Variants in AGBL1 observed in about 807,000 individuals in gnomAD.
AGBL1 encodes the protein AGBL carboxypeptidase 1, also known as cytosolic carboxypeptidase 4.
AGBL1 carries 130 observed loss-of-function variants against 118.9 expected under a neutral mutation model. The ratio of observed to expected loss-of-function variants is 1.09; its 90% CI spans 0.95 to 1.26. The LOEUF (loss-of-function observed/expected upper bound fraction) is 1.26. Among genes scored for constraint, AGBL1 ranks in the 50% most tolerant of loss-of-function variants. AGBL1 has a pLI of 0.00. For synonymous variants in AGBL1, 555 were observed against 478.9 expected, an observed-to-expected ratio of 1.16 and a Z score of -2.08; for missense variants, 1,584 against 1,298.1, an observed-to-expected ratio of 1.22 and a Z score of -3.38.
intron 23 of AGBL1, among the ~76,000 whole-genome samples, chr15:86,965,050 T>C (rs535702560): frequency 6.6e-6 from 1 of 152,086 alleles, no homozygotes; most frequent in African/African-American, 2.4e-5. Flanking sequence ...ATTTGGGTTG[T>C]TTCCAAGTCT....
chr15:86,400,923 A>T (rs1368104832), intron 18 of AGBL1, among the ~76,000 whole-genome samples: 1 of 152,136 alleles, frequency 6.6e-6, no homozygotes, highest in Non-Finnish European at 1.5e-5. Flanking sequence ...GCTGCTGTAA[A>T]CATGTGTGTT....
chr15:86,114,295 GTGAGTCTGC>G lies in AGBL1; in HGVS notation c.52-27708_52-27700del, dbSNP rs556131498. On this transcript the variant is annotated intron_variant, in intron 1 of 22. Transcript: ENST00000614907. ...CTTCAGCCTTGGACCCTTGGGGGAG[GTGAGTCTGC>G]ACTCTGCCTTGGCAAGGAGTCCAGA... 1.5e-3 allele frequency among the ~76,000 whole-genome samples: 225 copies of G among 152,344 alleles called. 2 individuals are homozygous for G. Among genetic ancestry groups the G allele is most frequent in the African/African-American group, 5.3e-3 (219 of 41,586 alleles).
intron 21 of AGBL1, among the ~76,000 whole-genome samples, chr15:86,577,694 G>A (rs936010333): frequency 1.3e-5 from 2 of 152,160 alleles, no homozygotes; most frequent in Admixed American, 6.5e-5. Flanking sequence ...AGCTATGGAC[G>A]TGGTGCCCTG....
intron 22 of AGBL1, among the ~76,000 whole-genome samples, chr15:86,858,572 AC>A (rs1243318309): frequency 1.3e-5 from 2 of 152,044 alleles, no homozygotes; most frequent in African/African-American, 2.4e-5. Flanking sequence ...TTCACGGACA[AC>A]CTATTATGTC....
intron 18 of AGBL1, among the ~76,000 whole-genome samples, chr15:86,441,710 T>C (rs963859422): frequency 2.0e-5 from 3 of 152,208 alleles, no homozygotes; most frequent in African/African-American, 4.8e-5. Flanking sequence ...AATCTAACCA[T>C]AGCTGTTGTC....
At chr15:86,862,281 C>A (rs2079569833) in intron 22 of AGBL1, among the ~76,000 whole-genome samples, 1 of 152,166 alleles carries the variant, frequency 6.6e-6, no homozygotes, top group African/African-American at 2.4e-5. Flanking sequence ...ACTTAAAAAT[C>A]TACAACACAA....
At chr15:86,602,139 A>T (rs573122132) in intron 21 of AGBL1, among the ~76,000 whole-genome samples, 3 of 151,376 alleles carry the variant, frequency 2.0e-5, no homozygotes, top group African/African-American at 7.3e-5. Context: ...TTAAAATATC[A>T]CGACATTGGC....
intron 23 of AGBL1, among the ~76,000 whole-genome samples, chr15:86,966,574 T>C (rs1485104571): frequency 1.3e-5 from 2 of 152,052 alleles, no homozygotes; most frequent in Non-Finnish European, 2.9e-5. Context: ...GAACATGTGG[T>C]GTTTGGTTTT....
At chr15:86,932,849 T>C (rs1025328715) in intron 23 of AGBL1, 4 of 152,190 alleles carry the variant, frequency 2.6e-5, no homozygotes, top group African/African-American at 4.8e-5. Flanking sequence ...AGAAGACTTT[T>C]AGCCAATGTT....
At chr15:86,120,093 G>A (rs1011910143) in intron 1 of AGBL1, among the ~76,000 whole-genome samples, 2 of 152,166 alleles carry the variant, frequency 1.3e-5, no homozygotes, top group African/African-American at 2.4e-5. Context: ...TATAGAGGCT[G>A]CCATTGCCTA....
intron 21 of AGBL1, among the ~76,000 whole-genome samples, chr15:86,593,019 C>G (rs1318421534): frequency 6.6e-6 from 1 of 152,180 alleles, no homozygotes; most frequent in Non-Finnish European, 1.5e-5. Context: ...GGGAAAACCT[C>G]TCCCTTTATC....
At chr15:86,942,270 C>G (rs1163013722) in intron 23 of AGBL1, among the ~76,000 whole-genome samples, 1 of 152,154 alleles carries the variant, frequency 6.6e-6, no homozygotes, top group Non-Finnish European at 1.5e-5. Flanking sequence ...AGCAATTGTG[C>G]TTGGAGGACT....
chr15:86,617,695 A>G (rs1237258736), intron 21 of AGBL1, among the ~76,000 whole-genome samples: 1 of 151,994 alleles, frequency 6.6e-6, no homozygotes, highest in African/African-American at 2.4e-5. Flanking sequence ...TAGACAGTAT[A>G]AGATTGCTGT....
At chr15:86,973,029 T>C (rs1567267008) in intron 23 of AGBL1, among the ~76,000 whole-genome samples, 2 of 152,002 alleles carry the variant, frequency 1.3e-5, no homozygotes, top group African/African-American at 4.8e-5. Context: ...AACTTTCTGG[T>C]TGTGTGACCT....
chr15:86,532,411 A>C (rs976291016), intron 19 of AGBL1, among the ~76,000 whole-genome samples: 3 of 139,058 alleles, frequency 2.2e-5, no homozygotes, highest in African/African-American at 5.6e-5. Flanking sequence ...AAGGGATGTG[A>C]AGGACCTCTT....
At chr15:86,775,049 C>T (rs529074025) in intron 22 of AGBL1, among the ~76,000 whole-genome samples, 2 of 152,308 alleles carry the variant, frequency 1.3e-5, no homozygotes, top group South Asian at 2.1e-4. Flanking sequence ...CTATGGCAGA[C>T]ATTGCTTTGG....
At chr15:86,640,864 T>G (rs2142467019) in intron 21 of AGBL1, among the ~76,000 whole-genome samples, 1 of 152,268 alleles carries the variant, frequency 6.6e-6, no homozygotes, top group African/African-American at 2.4e-5. Flanking sequence ...GCCTCTCTTA[T>G]CCCACCCTCA....
chr15:86,932,665 C>CG (rs141102747), intron 23 of AGBL1, among the ~76,000 whole-genome samples: 5,929 of 152,116 alleles, frequency 0.039, 156 homozygotes, highest in Middle Eastern at 0.071. Context: ...TATTTTTTTC[C>CG]AAAATCGCTT....
chr15:86,438,465 C>T (rs1457307908), intron 18 of AGBL1, among the ~76,000 whole-genome samples: 1 of 152,122 alleles, frequency 6.6e-6, no homozygotes, highest in Non-Finnish European at 1.5e-5. Context: ...CCTTATCCCC[C>T]AATTCCTCTA....
Sources: gnomAD v4.1 joint callset for allele counts (sites outside exome capture counted in the v4.1 genomes callset) on GRCh38, gnomAD v4.1.1 for gene constraint, MANE v1.5 for transcripts, NCBI Gene and HGNC (gene_info 2026-07-23, HGNC 2026-07-21) for gene names.